The following JPH2 variants were observed in gnomAD, a reference collection of about 807,000 sequenced individuals.
JPH2 encodes the protein junctophilin-2.
Under a neutral mutation model 55.9 loss-of-function variants are expected in JPH2, and 38 were observed. That is an observed-to-expected ratio of 0.68 (90% confidence interval 0.52 to 0.89). The LOEUF (loss-of-function observed/expected upper bound fraction) is 0.89. JPH2 is among the 40% of genes least tolerant of loss of function. The pLI, the probability that JPH2 is intolerant of heterozygous loss-of-function variation, is 0.00. For synonymous variants in JPH2, 480 were observed against 472.4 expected, an observed-to-expected ratio of 1.02 and a Z score of -0.21; for missense variants, 964 against 1,037.6, an observed-to-expected ratio of 0.93 and a Z score of 0.97.
At chr20:44,180,417 G>C (rs181285025) in intron 1 of JPH2, among the ~76,000 whole-genome samples, 3 of 151,490 alleles carry the variant, frequency 2.0e-5, no homozygotes, top group South Asian at 2.1e-4. Flanking sequence ...CTGCAGCCTC[G>C]ACCTCCCGGG....
chr20:44,166,943 C>T (rs1330874578), intron 1 of JPH2, among the ~76,000 whole-genome samples: 1 of 152,296 alleles, frequency 6.6e-6, no homozygotes, highest in African/African-American at 2.4e-5. Flanking sequence ...TGGCAGGGGC[C>T]GCCCCTGCCA....
intron 1 of JPH2, among the ~76,000 whole-genome samples, chr20:44,168,509 G>A (rs2072673232): frequency 6.6e-6 from 1 of 152,152 alleles, no homozygotes; most frequent in Admixed American, 6.5e-5. Context: ...TAAGTCATTT[G>A]GAGTTAGGGT....
chr20:44,153,126 T>C (rs756587862), intron 2 of JPH2, among the ~76,000 whole-genome samples: 11 of 152,202 alleles, frequency 7.2e-5, no homozygotes, highest in African/African-American at 2.2e-4. Flanking sequence ...AGCACAGTTG[T>C]AGGGACTGAG....
At chr20:44,132,399 C>CACAGACAG (rs71195518) in intron 2 of JPH2, among the ~76,000 whole-genome samples, 1 of 130,448 alleles carries the variant, frequency 7.7e-6, no homozygotes, top group African/African-American at 3.1e-5. Flanking sequence ...CACACACACA[C>CACAGACAG]ACATTTGGGC....
At position 44,115,979 on chromosome 20, in the gene JPH2, A is replaced by G; in HGVS notation, c.1696T>C (p.Tyr566His). Residue 566 changes from tyrosine (Y) to histidine (H), a missense_variant, in exon 4 of 6, where the codon TAC becomes CAC. Physicochemically the swap from Tyr to His is moderately conservative, Grantham distance 83. Transcript: ENST00000372980. ...GTGGTGCGCACAGCATAGCTGTGGT[A>G]GCCCTGGTAAAGCGCCACCTCCGGC... ...REPEVALYQG[Y>H]HSYAVRTTPP... 6.3e-7 allele frequency: 1 copy of G among 1,577,898 alleles called. No individual in the cohort carries two copies. Among genetic ancestry groups the G allele is most frequent in the South Asian group, 1.1e-5 (1 of 88,600 alleles).
chr20:44,149,106 A>AG, intron 2 of JPH2, among the ~76,000 whole-genome samples: 1 of 151,844 alleles, frequency 6.6e-6, no homozygotes, highest in East Asian at 1.9e-4. Context: ...TAAAAAAAAA[A>AG]AAGAACACAA....
In JPH2 at chr20:44,124,690, AT is replaced by A. The variant is rs529827596; in HGVS notation, c.1170-6068del. 5.3e-5 allele frequency among the ~76,000 whole-genome samples: 8 copies of A among 152,010 alleles called. No homozygotes were observed. The East Asian group carries it at 1.5e-3, about 29-fold the overall frequency. Reference sequence around the variant, plus strand: ...TAAAAAAGAAAGAAAGGAAACAAAAATCCCTTGCAGAGGTTACATTCCAGGG... The same window carrying A: ...TAAAAAAGAAAGAAAGGAAACAAAAACCCTTGCAGAGGTTACATTCCAGGG... On this transcript the variant is annotated intron_variant, in intron 2 of 5. Coordinates refer to ENST00000372980, the MANE Select transcript of JPH2 (RefSeq NM_020433.5).
rs1460713621 is a variant in JPH2 at position 44,160,101 on chromosome 20, T to C, written c.686A>G (p.Lys229Arg). ...CGTGCGCGACTCTGCGCGCCGCAGC[T>C]TGCCCAGCAGCGCGCCCCGCTGGAA... is the stretch of plus-strand genomic sequence containing the variant. ...GLFQRGALLG[K>R]LRRAESRTSV... Residue 229 changes from lysine to arginine, a missense_variant, in exon 2 of 6, where the codon AAG becomes AGG. Lys to Arg is a conservative substitution (Grantham distance 26). Transcript: ENST00000372980. This position sits in a 1 kb window ranked among gnomAD's most constrained non-coding sequence, Gnocchi z 4.9. The C allele has an allele frequency of 6.5e-7, 1 of 1,528,652 alleles. No homozygotes were observed. The highest frequency in any genetic ancestry group is 2.0e-5 in the Admixed American group (1 of 50,582). 94.7% of individuals were successfully genotyped at this position (1,528,652 alleles called of 1,614,324 possible).
At chr20:44,117,130 T>C (rs1490517973) in intron 3 of JPH2, among the ~76,000 whole-genome samples, 1 of 151,922 alleles carries the variant, frequency 6.6e-6, no homozygotes, top group Non-Finnish European at 1.5e-5. Context: ...AATACAAAAA[T>C]TAGCTGGGCA....
In JPH2 at chr20:44,140,726, C is replaced by T. The variant is rs143509234; in HGVS notation, c.1169+18892G>A. On this transcript the variant is annotated intron_variant, in intron 2 of 5. Transcript: ENST00000372980. The stretch of plus-strand genomic sequence containing the variant: ...ATGGAAACACCTGGGAGATCCCCAC[C>T]GAGATCTCACCCTTCAATAACACCA... Among the ~76,000 whole-genome samples, 63 of 148,902 alleles carry T rather than the reference C, an allele frequency of 4.2e-4. No homozygotes were observed. The East Asian group carries it at 0.011, about 27-fold the overall frequency.
Position 44,133,942 on chromosome 20 carries a change from TA to T in JPH2, c.1170-15320del, listed in dbSNP as rs1337472137. 4.1e-3 allele frequency among the ~76,000 whole-genome samples: 157 copies of T among 38,644 alleles called. 52 individuals carry two copies. Among genetic ancestry groups the T allele is most frequent in the African/African-American group, 0.018 (155 of 8,636 alleles). 25.4% of individuals were successfully genotyped at this position (38,644 alleles called of 152,430 possible). The stretch of plus-strand genomic sequence containing the variant: ...ATAATATATAAATATATATTTATTA[TA>T]AATATATATAAATAAATATATATTA... On this transcript the variant is annotated intron_variant, in intron 2 of 5. Coordinates refer to ENST00000372980, the MANE Select transcript of JPH2 (RefSeq NM_020433.5).
intron 1 of JPH2, among the ~76,000 whole-genome samples, chr20:44,185,771 G>C (rs538738260): frequency 9.8e-4 from 148 of 151,686 alleles, no homozygotes; most frequent in African/African-American, 3.5e-3. Context: ...GAATGGTTGG[G>C]TGGAAGCATG....
chr20:44,131,022 T>A lies in JPH2; in HGVS notation c.1170-12399A>T, dbSNP rs539469000. Among the ~76,000 whole-genome samples, 3 of 152,358 alleles carry A rather than the reference T, an allele frequency of 2.0e-5. No individual in the cohort carries two copies. The East Asian group carries it at 5.8e-4, about 29-fold the overall frequency. ...TTAGTCCCTCTGTGCATTGGTTTTC[T>A]CTTCTTCAAAGTAAGAGATGTCAGG... On this transcript the variant is annotated intron_variant, in intron 2 of 5. Transcript: ENST00000372980.
At chr20:44,121,571 A>G (rs1028052817) in intron 2 of JPH2, among the ~76,000 whole-genome samples, 3 of 149,810 alleles carry the variant, frequency 2.0e-5, no homozygotes, top group African/African-American at 7.4e-5. Context: ...TAACATTTAC[A>G]AAGCACTTAG....
In JPH2 at chr20:44,186,830, G is replaced by C. The variant is rs1045277458; in HGVS notation, c.-125C>G. ...CCAGACTCACCACTGCACCCCAGGAGGGGGGAAGCAGGATGCCAGCAGAGG... is the reference window on the plus strand; with the variant it reads ...CCAGACTCACCACTGCACCCCAGGACGGGGGAAGCAGGATGCCAGCAGAGG... On this transcript the variant is annotated 5_prime_UTR_variant, in exon 1 of 6. Transcript: ENST00000372980. 13 of 967,650 alleles carry C rather than the reference G, an allele frequency of 1.3e-5. No individual in the cohort carries two copies. The highest frequency in any genetic ancestry group is 1.0e-4 in the East Asian group (4 of 39,612). The allele number at this position is 967,650 out of a possible 1,614,324, so 59.9% of individuals were successfully genotyped here. A position where few individuals can be genotyped will look rare whatever the true frequency, so the allele number is the denominator to read the frequency against.
At chr20:44,180,672 G>T (rs1265751111) in intron 1 of JPH2, among the ~76,000 whole-genome samples, 1 of 152,166 alleles carries the variant, frequency 6.6e-6, no homozygotes, top group Non-Finnish European at 1.5e-5. Flanking sequence ...TTTGGGGTGG[G>T]ATTAATAAAG....
chr20:44,185,415 G>A (rs886625061), intron 1 of JPH2, among the ~76,000 whole-genome samples: 8 of 151,654 alleles, frequency 5.3e-5, no homozygotes, highest in Non-Finnish European at 8.8e-5. Flanking sequence ...CTTGAGCTCC[G>A]AAGTTTGAGA....
intron 1 of JPH2, 71 bp downstream of exon 1, chr20:44,186,256 C>G: frequency 6.4e-7 from 1 of 1,564,824 alleles, no homozygotes; most frequent in Non-Finnish European, 8.7e-7. Context: ...GGTCGCCTTT[C>G]CCACCCTCCA....
rs1308544925 is a variant in JPH2 at position 44,129,718 on chromosome 20, C to A, written c.1170-11095G>T. ...ACCTTCTATGGCAAAGAGGGCTTTG[C>A]AGGTGTGATTAAATAAAGGATCTTG... On this transcript the variant is annotated intron_variant, in intron 2 of 5. Coordinates refer to ENST00000372980, the MANE Select transcript of JPH2 (RefSeq NM_020433.5). Among the ~76,000 whole-genome samples, 3 of 152,104 alleles carry A rather than the reference C, an allele frequency of 2.0e-5. No homozygotes were observed. The East Asian group carries it at 5.8e-4, about 29-fold the overall frequency.
Sources: gnomAD v4.1 joint callset for allele counts (sites outside exome capture counted in the v4.1 genomes callset) on GRCh38, gnomAD v4.1.1 for gene constraint, Gnocchi (gnomAD v3.1) non-coding constraint, MANE v1.5 for transcripts, NCBI Gene and HGNC (gene_info 2026-07-23, HGNC 2026-07-21) for gene names.